The following DAGLB variants were observed in gnomAD, a reference collection of about 807,000 sequenced individuals.
The protein encoded by DAGLB is diacylglycerol lipase beta.
In DAGLB, 66 loss-of-function variants were observed where a neutral mutation model predicts 72.1. The observed-to-expected ratio is 0.92, with a 90% CI of 0.75 to 1.12. The LOEUF is 1.12. DAGLB is among the 50% of genes most tolerant of loss of function. The pLI is 0.00. For missense variants in DAGLB, 1,065 were observed against 884.9 expected, an observed-to-expected ratio of 1.20 and a Z score of -2.58; for synonymous variants, 414 against 359.5, an observed-to-expected ratio of 1.15 and a Z score of -1.71.
At chr7:6,444,386 G>A (rs1784931038) in intron 2 of DAGLB, among the ~76,000 whole-genome samples, 2 of 152,162 alleles carry the variant, frequency 1.3e-5, no homozygotes, top group South Asian at 4.1e-4. Flanking sequence ...TGGATCACGT[G>A]AGGTCAGGAG....
chr7:6,435,315 G>A (rs1179436257), intron 3 of DAGLB: 2 of 315,656 alleles, frequency 6.3e-6, no homozygotes, highest in Non-Finnish European at 1.2e-5. Context: ...GTGAAACCCC[G>A]TCTCTACTAA....
At chr7:6,415,456 T>G (rs1352429908) in intron 11 of DAGLB, among the ~76,000 whole-genome samples, 1 of 151,738 alleles carries the variant, frequency 6.6e-6, no homozygotes, top group Non-Finnish European at 1.5e-5. Flanking sequence ...TTATTTCATT[T>G]TAATGAAATA....
intron 6 of DAGLB, among the ~76,000 whole-genome samples, chr7:6,427,669 G>A (rs982002914): frequency 2.0e-5 from 3 of 152,128 alleles, no homozygotes; most frequent in Non-Finnish European, 4.4e-5. Flanking sequence ...TGTAATCCCA[G>A]GACTTTGGGA....
intron 9 of DAGLB, chr7:6,417,797 A>G (rs1005181047): frequency 2.0e-5 from 3 of 152,208 alleles, no homozygotes; most frequent in African/African-American, 7.2e-5. Context: ...AAACTAAACC[A>G]TCAGAAGTGA....
chr7:6,426,823 A>G (rs952746138), intron 6 of DAGLB, among the ~76,000 whole-genome samples: 2 of 152,158 alleles, frequency 1.3e-5, no homozygotes, highest in Non-Finnish European at 2.9e-5. Context: ...AAAAAACAAA[A>G]AGAGGCCGGG....
At chr7:6,428,315 C>CAAAAAAAAAAAAAAAAAAAA (rs749361631) in intron 6 of DAGLB, among the ~76,000 whole-genome samples, 2 of 77,002 alleles carry the variant, frequency 2.6e-5, no homozygotes, top group African/African-American at 9.6e-5. Flanking sequence ...GACTCTGTCT[C>CAAAAAAAAAAAAAAAAAAAA]AAAAAAAAAA....
intron 5 of DAGLB, among the ~76,000 whole-genome samples, chr7:6,431,919 C>A (rs1398030800): frequency 6.6e-6 from 1 of 152,198 alleles, no homozygotes; most frequent in Admixed American, 6.6e-5. Context: ...TCCAACCCTG[C>A]TGCTAATGAA....
intron 8 of DAGLB, among the ~76,000 whole-genome samples, chr7:6,423,681 G>A (rs999345198): frequency 1.5e-4 from 23 of 151,374 alleles, no homozygotes; most frequent in Non-Finnish European, 2.1e-4. Context: ...TCCGCCTCCC[G>A]GGTTCAAGTG....
chr7:6,425,811 C>A (rs1784292941), intron 7 of DAGLB, among the ~76,000 whole-genome samples, 177 bp downstream of exon 7: 1 of 152,210 alleles, frequency 6.6e-6, no homozygotes, highest in South Asian at 2.1e-4. Flanking sequence ...GAACCTGCAC[C>A]AGGGCATCTG....
chr7:6,418,396 TAAAAG>T (rs1424798243), intron 9 of DAGLB, among the ~76,000 whole-genome samples: 8 of 151,168 alleles, frequency 5.3e-5, no homozygotes, highest in African/African-American at 1.9e-4. Flanking sequence ...AAATAATAAA[TAAAAG>T]AAAAAAAATA....
chr7:6,435,435 G>T (rs763969386), intron 3 of DAGLB: 2 of 162,860 alleles, frequency 1.2e-5, no homozygotes, highest in South Asian at 1.5e-4. Flanking sequence ...GCAGTGAGCC[G>T]AGGAGGCGCC....
In DAGLB at chr7:6,412,812, T is replaced by C. The variant is rs755125710; in HGVS notation, c.1568A>G (p.Lys523Arg). 8 of 1,583,704 alleles carry C rather than the reference T, an allele frequency of 5.1e-6. No homozygotes were observed. Among genetic ancestry groups the C allele is most frequent in the Admixed American group, 1.8e-5 (1 of 56,098 alleles). The change falls in exon 13 of 15, where the codon AAG (lysine) becomes AGG (arginine). Residue 523 changes from lysine to arginine, a missense_variant and splice_region_variant. Transcript: ENST00000297056. ...CCTCTCAACAAGGCACCCGCTTACC[T>C]TGGGTTTATTGCAGTGCGCGACCAC... is the stretch of plus-strand genomic sequence containing the variant. ...LRVVAHCNKP[K>R]YKILLHGLWY...
At position 6,443,882 on chromosome 7, in the gene DAGLB, G is replaced by C. The variant is rs540941344; in HGVS notation, c.247+2071C>G. ...AGTGCTCACATCATCCTATGAAGCA[G>C]AGGAATCCAACAGGGAAGGTTTCCA... On this transcript the variant is annotated intron_variant, in intron 2 of 14. Coordinates refer to ENST00000297056, the MANE Select transcript of DAGLB (RefSeq NM_139179.4). Among the ~76,000 whole-genome samples, 49 of 152,308 alleles carry C rather than the reference G, an allele frequency of 3.2e-4. 1 individual carries two copies. Among genetic ancestry groups the C allele is most frequent in the African/African-American group, 1.1e-3 (47 of 41,572 alleles).
intron 8 of DAGLB, 105 bp from the exon 9 acceptor site, chr7:6,421,909 T>A: frequency 1.6e-6 from 2 of 1,236,388 alleles, no homozygotes; most frequent in Non-Finnish European, 2.3e-6. Flanking sequence ...ATGGCGGGGA[T>A]GGCACCATCT....
chr7:6,410,249 C>A lies in DAGLB; in HGVS notation c.1701G>T (p.Thr567=), dbSNP rs201711486. 2.5e-6 allele frequency: 4 copies of A among 1,613,186 alleles called. No individual in the cohort carries two copies. The Admixed American group carries it at 6.7e-5, about 27-fold the overall frequency. ...QPLLGEQSLL[T]RWSPAYSFSS... is the part of the protein sequence containing the mutation. ...AGAAGCTGTAGGCCGGGGACCAGCG[C>A]GTCAGTAGGCTCTGCTCCCCCAGAA... The change falls in exon 14 of 15, where the codon ACG becomes ACT. Residue 567 remains threonine, a synonymous_variant. Coordinates refer to ENST00000297056, the MANE Select transcript of DAGLB (RefSeq NM_139179.4).
At chr7:6,414,636 C>A (rs1783842927) in intron 11 of DAGLB, among the ~76,000 whole-genome samples, 1 of 152,110 alleles carries the variant, frequency 6.6e-6, no homozygotes, top group South Asian at 2.1e-4. Context: ...ACTACAGTTA[C>A]ATTTTCTCTT....
chr7:6,431,500 A>G (rs560372204), intron 5 of DAGLB, among the ~76,000 whole-genome samples: 114 of 152,294 alleles, frequency 7.5e-4, no homozygotes, highest in Non-Finnish European at 2.6e-4. Context: ...GGCCGGATGC[A>G]GTGGCTCACG....
intron 5 of DAGLB, among the ~76,000 whole-genome samples, chr7:6,431,639 G>A (rs986632904): frequency 1.3e-5 from 2 of 152,120 alleles, no homozygotes; most frequent in Non-Finnish European, 2.9e-5. Flanking sequence ...GGGCATGGTG[G>A]TGCACGCCTG....
At chr7:6,441,782 G>A (rs924486126) in intron 2 of DAGLB, among the ~76,000 whole-genome samples, 2 of 152,102 alleles carry the variant, frequency 1.3e-5, no homozygotes, top group Non-Finnish European at 2.9e-5. Context: ...AAACGAACAT[G>A]TTTTTATAAA....
Sources: gnomAD v4.1 joint callset for allele counts (sites outside exome capture counted in the v4.1 genomes callset) on GRCh38, gnomAD v4.1.1 for gene constraint, MANE v1.5 for transcripts, NCBI Gene and HGNC (gene_info 2026-07-23, HGNC 2026-07-21) for gene names.